Variants in NFIB observed in about 807,000 individuals in gnomAD.
NFIB encodes the protein nuclear factor 1 B-type.
NFIB carries 11 observed loss-of-function variants against 61.5 expected under a neutral mutation model. The observed-to-expected ratio is 0.18, with a 90% CI of 0.11 to 0.30. The LOEUF is 0.30. Ranked by LOEUF, NFIB falls within the 10% of genes least tolerant of loss-of-function variation. The probability of loss-of-function intolerance (pLI) is 1.00; values close to 1 mark genes in which losing one functional copy is unlikely to be tolerated. For missense variants in NFIB, 471 were observed against 608.9 expected, an observed-to-expected ratio of 0.77 and a Z score of 2.38; for synonymous variants, 260 against 216.5, an observed-to-expected ratio of 1.20 and a Z score of -1.76.
At chr9:14,480,702 G>A in the NFIB span, among the ~76,000 whole-genome samples, 1 of 152,160 alleles carries the variant, frequency 6.6e-6, no homozygotes, top group African/African-American at 2.4e-5. Flanking sequence ...GGAGGTAAAT[G>A]AGAACAACAT....
At chr9:14,322,057 G>A (rs2060673277) in intron 1 of NFIB, 1 of 1,140,594 alleles carries the variant, frequency 8.8e-7, no homozygotes, top group Non-Finnish European at 1.1e-6. Flanking sequence ...TTGTTTTGGT[G>A]TCGCTTTTTG....
At chr9:14,330,486 C>T (rs535433122) in intron 1 of NFIB, among the ~76,000 whole-genome samples, 9 of 152,010 alleles carry the variant, frequency 5.9e-5, no homozygotes, top group Admixed American at 3.9e-4. Flanking sequence ...AGTTTTTAAC[C>T]GTGTTTTAAT....
rs2060379861 is a variant in NFIB at position 14,313,337 on chromosome 9, G to A, written c.30+145C>T. Reference sequence around the variant, plus strand: ...CCGCTCCCGGCTCCCACGCCGCCCCGCGACGCCCGCTGCAACTCCGGGCCA... The same window carrying A: ...CCGCTCCCGGCTCCCACGCCGCCCCACGACGCCCGCTGCAACTCCGGGCCA... On this transcript the variant is annotated intron_variant, in intron 1 of 10. Coordinates refer to ENST00000380953, the MANE Select transcript of NFIB (RefSeq NM_001190737.2). This position sits in a 1 kb window ranked among gnomAD's most constrained non-coding sequence, Gnocchi z 4.5. The A allele has an allele frequency of 1.7e-6, 2 of 1,159,996 alleles. No individual in the cohort carries two copies. The highest frequency in any genetic ancestry group is 3.3e-5 in the South Asian group (2 of 60,738). 71.9% of individuals were successfully genotyped at this position (1,159,996 alleles called of 1,614,324 possible).
At chr9:14,395,253 T>C (rs1342193901) in intron 1 of NFIB, among the ~76,000 whole-genome samples, 3 of 151,542 alleles carry the variant, frequency 2.0e-5, no homozygotes, top group Non-Finnish European at 2.9e-5. Flanking sequence ...TGCTGTGATT[T>C]TTAGAACTCA....
chr9:14,245,309 T>C (rs1389859373), intron 2 of NFIB, among the ~76,000 whole-genome samples: 1 of 152,174 alleles, frequency 6.6e-6, no homozygotes, highest in East Asian at 1.9e-4. Flanking sequence ...TCCTTCTTTC[T>C]ATTCCTACCA....
the NFIB span, among the ~76,000 whole-genome samples, chr9:14,487,746 TC>T: frequency 6.6e-6 from 1 of 152,228 alleles, no homozygotes; most frequent in South Asian, 2.1e-4. Flanking sequence ...ACCATGGCTT[TC>T]CAAGCTAATC....
intron 1 of NFIB, among the ~76,000 whole-genome samples, chr9:14,346,181 G>A (rs2061016858): frequency 6.6e-6 from 1 of 152,134 alleles, no homozygotes; most frequent in African/African-American, 2.4e-5. Flanking sequence ...GAGACTTGCG[G>A]TGGGCGCCGG....
Position 14,120,672 on chromosome 9 carries a change from A to G in NFIB, c.1061-48T>C, listed in dbSNP as rs1301429078. 2 of 1,522,544 alleles carry G rather than the reference A, an allele frequency of 1.3e-6. No individual in the cohort carries two copies. Among genetic ancestry groups the G allele is most frequent in the East Asian group, 2.3e-5 (1 of 43,714 alleles). The allele number at this position is 1,522,544 out of a possible 1,614,324, so 94.3% of individuals were successfully genotyped here. ...GATTGACTCATCAGCTGGTTACCTT[A>G]TTGCTCCATTCTGATCCTGAAGAAT... is the stretch of plus-strand genomic sequence containing the variant. On this transcript the variant is annotated intron_variant, in intron 7 of 10. Coordinates refer to ENST00000380953, the MANE Select transcript of NFIB (RefSeq NM_001190737.2). The surrounding 1 kb of genome is among the most constrained non-coding windows in gnomAD (Gnocchi z 4.4).
chr9:14,454,118 G>A, the NFIB span, among the ~76,000 whole-genome samples: 2 of 152,174 alleles, frequency 1.3e-5, no homozygotes, highest in African/African-American at 4.8e-5. Context: ...CATATAGGTA[G>A]TGTAAATATG....
intron 2 of NFIB, among the ~76,000 whole-genome samples, chr9:14,181,769 C>T (rs1301143343): frequency 3.3e-5 from 5 of 152,302 alleles, no homozygotes; most frequent in Admixed American, 2.6e-4. Context: ...CTATGTTTTA[C>T]TTTCCCTCCA....
chr9:14,335,445 G>A (rs151275101), intron 1 of NFIB, among the ~76,000 whole-genome samples: 163 of 152,232 alleles, frequency 1.1e-3, no homozygotes, highest in Admixed American at 1.6e-3. Context: ...AAATAATAGC[G>A]TTGAACATCT....
intron 2 of NFIB, among the ~76,000 whole-genome samples, chr9:14,251,647 C>G (rs1191189732): frequency 6.6e-6 from 1 of 152,218 alleles, no homozygotes; most frequent in Non-Finnish European, 1.5e-5. Context: ...CAAGGCTCTG[C>G]TCCTTCTCAC....
chr9:14,481,277 G>C, the NFIB span, among the ~76,000 whole-genome samples: 1 of 138,888 alleles, frequency 7.2e-6, no homozygotes, highest in Admixed American at 7.6e-5. Context: ...CTCAAGGTGT[G>C]TTTTGCTCTG....
At chr9:14,498,764 GCCCTCCCTCCCTCCCTCCCT>G in the NFIB span, among the ~76,000 whole-genome samples, 5 of 78,286 alleles carry the variant, frequency 6.4e-5, 1 homozygote, top group Admixed American at 2.9e-4. Context: ...AACACTCATG[GCCCTCCCTCCCTCCCTCCCT>G]CCCTCCCTCC....
Position 14,314,136 on chromosome 9 carries a change from G to C in NFIB, c.-625C>G, listed in dbSNP as rs2060427073. On this transcript the variant is annotated 5_prime_UTR_variant, in exon 1 of 11. Coordinates refer to ENST00000380953, the MANE Select transcript of NFIB (RefSeq NM_001190737.2). ...TGTGTGCGCGAGGGGCAGCGTGAGC[G>C]AGTGCGCGCGGGTGGCGGGGCGCGC... 2 of 1,014,778 alleles carry C rather than the reference G, an allele frequency of 2.0e-6. No homozygotes were observed. The highest frequency in any genetic ancestry group is 2.4e-6 in the Non-Finnish European group (2 of 849,182). The allele number at this position is 1,014,778 out of a possible 1,614,324, so 62.9% of individuals were successfully genotyped here. A position where few individuals can be genotyped will look rare whatever the true frequency, so the allele number is the denominator to read the frequency against.
At chr9:14,321,604 T>A (rs2060661374) in intron 1 of NFIB, among the ~76,000 whole-genome samples, 1 of 152,182 alleles carries the variant, frequency 6.6e-6, no homozygotes. Flanking sequence ...TTTCCACCAC[T>A]GAGGGGAGAG....
At chr9:14,452,595 C>G in the NFIB span, among the ~76,000 whole-genome samples, 2 of 152,166 alleles carry the variant, frequency 1.3e-5, no homozygotes, top group African/African-American at 4.8e-5. Context: ...GTACAGTCAT[C>G]TACAGGTCAT....
At chr9:14,269,490 G>C (rs561462473) in intron 2 of NFIB, among the ~76,000 whole-genome samples, 1 of 152,240 alleles carries the variant, frequency 6.6e-6, no homozygotes, top group African/African-American at 2.4e-5. Context: ...AACAGAGAGG[G>C]CAATGAATGA....
intron 10 of NFIB, among the ~76,000 whole-genome samples, chr9:14,108,238 G>A (rs1488960800): frequency 1.3e-5 from 2 of 152,096 alleles, no homozygotes; most frequent in African/African-American, 4.8e-5. Context: ...CCCAAGTGTT[G>A]ATAGCCTGCT....
Sources: allele counts gnomAD v4.1 joint callset (sites outside exome capture counted in the v4.1 genomes callset), GRCh38; gene constraint gnomAD v4.1.1; non-coding constraint Gnocchi (gnomAD v3.1); transcripts MANE v1.5; gene names NCBI Gene and HGNC (gene_info 2026-07-23, HGNC 2026-07-21).